The following RBM25 variants were observed in gnomAD, a reference collection of about 807,000 sequenced individuals.
The protein encoded by RBM25 is RNA-binding protein 25.
RBM25 carries 19 observed loss-of-function variants against 120.7 expected under a neutral mutation model. That is an observed-to-expected ratio of 0.16 (90% CI 0.11 to 0.23). The LOEUF is 0.23. RBM25 is among the 10% of genes least tolerant of loss of function. The pLI is 1.00. For synonymous variants in RBM25, 390 were observed against 326.7 expected (o/e 1.19, Z -2.09); for missense variants, 605 against 1,041.5 (o/e 0.58, Z 5.77).
chr14:73,109,294 T>G (rs754917380), intron 13 of RBM25, 48 bp from the exon 14 acceptor site: 2 of 1,573,908 alleles, frequency 1.3e-6, no homozygotes, highest in Non-Finnish European at 1.7e-6. Context: ...TGTTTACTTC[T>G]CAATGATCGG....
In RBM25 at chr14:73,110,836, A is replaced by G. The variant is rs1449719530; in HGVS notation, c.1698A>G (p.Glu566=). 1 of 1,607,390 alleles carries G rather than the reference A, an allele frequency of 6.2e-7. No homozygotes were observed. Among genetic ancestry groups the G allele is most frequent in the South Asian group, 1.1e-5 (1 of 89,916 alleles). Reference sequence around the variant, plus strand: ...GATTATTGTTTGGGTTTTAGATGGAACAAGAGGCTGAGAGGCGCAGGCAGC... The same window carrying G: ...GATTATTGTTTGGGTTTTAGATGGAGCAAGAGGCTGAGAGGCGCAGGCAGC... ...PDPDAELQRM[E]QEAERRRQPQ... Residue 566 remains glutamate, a synonymous_variant, in exon 15 of 19, where the codon GAA becomes GAG. Coordinates refer to ENST00000261973, the MANE Select transcript of RBM25 (RefSeq NM_021239.3).
At chr14:73,109,557 G>T in intron 14 of RBM25, 65 bp downstream of exon 14, 2 of 1,469,128 alleles carry the variant, frequency 1.4e-6, no homozygotes, top group Non-Finnish European at 1.8e-6. Context: ...TCTTTGGGAG[G>T]CCGAGGCGGG....
chr14:73,107,908 G>A lies in RBM25; in HGVS notation c.1541+9G>A. The A allele has an allele frequency of 6.4e-7, 1 of 1,561,718 alleles. No homozygotes were observed. The highest frequency in any genetic ancestry group is 2.3e-5 in the East Asian group (1 of 44,144). On this transcript the variant is annotated intron_variant, in intron 13 of 18. Transcript: ENST00000261973. ...GACCCCAAATATTACAGGTAAAGAA[G>A]GCTTGTTCTGTGGATTCATACTTGG...
chr14:73,122,602 C>G lies in RBM25; in HGVS notation c.*2797C>G, dbSNP rs544033440. The G allele has an allele frequency of 6.6e-6, 1 of 152,188 alleles. No homozygotes were observed. The highest frequency in any genetic ancestry group is 6.5e-5 in the Admixed American group (1 of 15,278). 9.4% of individuals were successfully genotyped at this position (152,188 alleles called of 1,614,324 possible). On this transcript the variant is annotated 3_prime_UTR_variant, in exon 19 of 19. Coordinates refer to ENST00000261973, the MANE Select transcript of RBM25 (RefSeq NM_021239.3). ...AAGCGTGAACATCTTAAGAACCAGT[C>G]TTGATCTGGCAAAAAAGTAGTAGAA...
At chr14:73,075,969 T>C (rs903270922) in intron 2 of RBM25, among the ~76,000 whole-genome samples, 6 of 152,190 alleles carry the variant, frequency 3.9e-5, no homozygotes, top group African/African-American at 1.4e-4. Flanking sequence ...AAGGATTCTT[T>C]AATAGCATTG....
At chr14:73,104,643 A>G (rs1035590580) in intron 10 of RBM25, among the ~76,000 whole-genome samples, 1 of 152,214 alleles carries the variant, frequency 6.6e-6, no homozygotes, top group Non-Finnish European at 1.5e-5. Flanking sequence ...CTGGGATTAC[A>G]GGCGTGAGCC....
intron 4 of RBM25, among the ~76,000 whole-genome samples, chr14:73,079,002 T>C (rs896315153): frequency 6.6e-6 from 1 of 152,254 alleles, no homozygotes; most frequent in Non-Finnish European, 1.5e-5. Flanking sequence ...TAAAGTTTTA[T>C]TCTGAGCTTG....
Position 73,084,864 on chromosome 14 carries a change from T to A in RBM25, c.382+1313T>A, listed in dbSNP as rs1472375538. Among the ~76,000 whole-genome samples the A allele has an allele frequency of 4.0e-5, 6 of 151,754 alleles. No homozygotes were observed. In the East Asian group the frequency reaches 9.6e-4, roughly 24 times the overall value. ...TGCTCCTGGCCGCTATTTTTTTTTT[T>A]AATGTTTTTATTCTAGCACCTTATA... is the stretch of plus-strand genomic sequence containing the variant. On this transcript the variant is annotated intron_variant, in intron 5 of 18. Coordinates refer to ENST00000261973, the MANE Select transcript of RBM25 (RefSeq NM_021239.3).
chr14:73,073,808 T>C (rs1895349806), intron 2 of RBM25, among the ~76,000 whole-genome samples: 1 of 152,242 alleles, frequency 6.6e-6, no homozygotes, highest in African/African-American at 2.4e-5. Context: ...GCTGTGCTTC[T>C]AGATAATCAT....
chr14:73,097,191 C>CTTTTTTTTTTTTTTTTTTTTTT (rs202085217), intron 7 of RBM25, 91 bp downstream of exon 7: 1 of 367,914 alleles, frequency 2.7e-6, no homozygotes, highest in Non-Finnish European at 3.9e-6. Flanking sequence ...TTTCTTTTTT[C>CTTTTTTTTTTTTTTTTTTTTTT]TTTTCTTTTT....
intron 6 of RBM25, among the ~76,000 whole-genome samples, chr14:73,092,594 T>C (rs1198977638): frequency 6.6e-6 from 1 of 151,682 alleles, no homozygotes; most frequent in African/African-American, 2.4e-5. Flanking sequence ...TTTTTTTTAA[T>C]TAAGTTTTAG....
In RBM25 at chr14:73,088,041, C is replaced by T. The variant is rs767985856; in HGVS notation, c.423C>T (p.Leu141=). 10 of 1,614,042 alleles carry T rather than the reference C, an allele frequency of 6.2e-6. No homozygotes were observed. The highest frequency in any genetic ancestry group is 3.3e-5 in the Admixed American group (2 of 59,984). The part of the protein sequence containing the change: ...FCEYKEPEST[L]RALRLLHDLQ... ...AGTACAAGGAGCCAGAATCTACCCTCCGTGCACTCAGATTATTACATGACC... is the reference window on the plus strand; with the variant it reads ...AGTACAAGGAGCCAGAATCTACCCTTCGTGCACTCAGATTATTACATGACC... The change falls in exon 6 of 19, where the codon CTC becomes CTT. Residue 141 remains leucine, a synonymous_variant. Coordinates refer to ENST00000261973, the MANE Select transcript of RBM25 (RefSeq NM_021239.3).
In RBM25 at chr14:73,077,551, T is replaced by C. The variant is rs1895451010; in HGVS notation, c.324+15T>C. On this transcript the variant is annotated intron_variant, in intron 4 of 18. Coordinates refer to ENST00000261973, the MANE Select transcript of RBM25 (RefSeq NM_021239.3). ...AACTCTTAGCTGTAAGTTAAACTGTTTATTTTTCATTAAAAATTTTTTTAT... is the reference window on the plus strand; with the variant it reads ...AACTCTTAGCTGTAAGTTAAACTGTCTATTTTTCATTAAAAATTTTTTTAT... The C allele has an allele frequency of 6.5e-7, 1 of 1,543,038 alleles. No homozygotes were observed. The highest frequency in any genetic ancestry group is 8.7e-7 in the Non-Finnish European group (1 of 1,148,144).
intron 10 of RBM25, among the ~76,000 whole-genome samples, chr14:73,103,936 TCTCTCTCTCTCTCACACACACACACA>T (rs1368863731): frequency 3.6e-4 from 18 of 50,516 alleles, no homozygotes; most frequent in African/African-American, 1.4e-3. Flanking sequence ...TCTCTCTCTC[TCTCTCTCTCTCTCACACACACACACA>T]CACACACACA....
rs182863293 is a variant in RBM25, at chr14:73,082,500, A to T, written c.325-994A>T. ...GAGACAGTGTCTCCCTATGTTGCCC[A>T]GGCTGGTCTTGAACTCCTGGGCTCA... On this transcript the variant is annotated intron_variant, in intron 4 of 18. Transcript: ENST00000261973. Among the ~76,000 whole-genome samples, 28 of 152,216 alleles carry T rather than the reference A, an allele frequency of 1.8e-4. No individual in the cohort carries two copies. The East Asian group carries it at 4.2e-3, about 23-fold the overall frequency.
chr14:73,065,389 A>G (rs1043764039), intron 1 of RBM25, among the ~76,000 whole-genome samples: 4 of 151,406 alleles, frequency 2.6e-5, no homozygotes, highest in Admixed American at 6.6e-5. Flanking sequence ...CGGCCTCCCA[A>G]AGTGCTGGGA....
chr14:73,112,324 GA>G (rs1432109540), intron 17 of RBM25, 74 bp downstream of exon 17: 5 of 1,346,350 alleles, frequency 3.7e-6, no homozygotes, highest in Non-Finnish European at 3.9e-6. Flanking sequence ...TAAAAGAGCA[GA>G]AATTTTACAG....
intron 7 of RBM25, among the ~76,000 whole-genome samples, chr14:73,097,716 C>T (rs536001021): frequency 3.3e-5 from 5 of 152,194 alleles, no homozygotes; most frequent in African/African-American, 1.2e-4. Context: ...AGATTTCCAC[C>T]CACTCTTAAT....
intron 7 of RBM25, 22 bp downstream of exon 7, chr14:73,097,122 T>C: frequency 6.4e-7 from 1 of 1,557,584 alleles, no homozygotes; most frequent in Non-Finnish European, 8.7e-7. Context: ...GACAACAACA[T>C]ATCATTTCTA....
Sources: gnomAD v4.1 joint callset for allele counts (sites outside exome capture counted in the v4.1 genomes callset) on GRCh38, gnomAD v4.1.1 for gene constraint, MANE v1.5 for transcripts, NCBI Gene and HGNC (gene_info 2026-07-23, HGNC 2026-07-21) for gene names.